Variants in NKX2-5 observed in about 807,000 individuals in gnomAD.
NKX2-5 encodes NK2 homeobox 5, also known as homeobox protein Nkx-2.5.
NKX2-5 carries 3 observed loss-of-function variants against 24.5 expected under a neutral mutation model. That is an observed-to-expected ratio of 0.12 (90% confidence interval 0.06 to 0.32). The LOEUF (loss-of-function observed/expected upper bound fraction) is 0.32, where lower values mean the gene tolerates loss of function less well. Among genes scored for constraint, NKX2-5 ranks in the 10% least tolerant of loss-of-function variants. The pLI, the probability that NKX2-5 is intolerant of heterozygous loss-of-function variation, is 1.00. For synonymous variants in NKX2-5, 215 were observed against 217.6 expected, an observed-to-expected ratio of 0.99 and a Z score of 0.11; for missense variants, 429 against 452.4, an observed-to-expected ratio of 0.95 and a Z score of 0.47.
chr5:173,235,176 G>T lies in NKX2-5; in HGVS notation c.-93C>A, dbSNP rs1190828416. On this transcript the variant is annotated 5_prime_UTR_variant, in exon 1 of 2. Transcript: ENST00000329198. ...GCTTCCCTGCATGGTGCCGCCGCCC[G>T]CCCGCGCACCCGTCGGCCAGCTCTG... is the stretch of plus-strand genomic sequence containing the variant. The T allele has an allele frequency of 5.4e-6, 7 of 1,298,320 alleles. No individual in the cohort carries two copies. Among genetic ancestry groups the T allele is most frequent in the South Asian group, 1.5e-5 (1 of 68,106 alleles). The allele number at this position is 1,298,320 out of a possible 1,614,324, so 80.4% of individuals were successfully genotyped here. A position where few individuals can be genotyped will look rare whatever the true frequency, so the allele number is the denominator to read the frequency against.
intron 1 of NKX2-5, chr5:173,233,432 C>G: frequency 6.5e-7 from 1 of 1,530,006 alleles, no homozygotes; most frequent in South Asian, 1.2e-5. Flanking sequence ...GAGAACAAAA[C>G]GGGAGGTCTC....
chr5:173,234,460 T>C (rs534481610), intron 1 of NKX2-5, among the ~76,000 whole-genome samples: 1 of 152,360 alleles, frequency 6.6e-6, no homozygotes, highest in East Asian at 1.9e-4. Context: ...TTTCTCAACT[T>C]CCTACCAGAC....
chr5:173,234,329 G>A (rs1436339121), intron 1 of NKX2-5: 1 of 982,184 alleles, frequency 1.0e-6, no homozygotes, highest in African/African-American at 1.7e-5. Context: ...TGTCTGGTGA[G>A]CAACATTTCA....
chr5:173,234,487 A>G (rs941652975), intron 1 of NKX2-5, among the ~76,000 whole-genome samples: 7 of 152,194 alleles, frequency 4.6e-5, no homozygotes, highest in Non-Finnish European at 5.9e-5. Context: ...GCAGAGCCGA[A>G]GCCGCCCGGG....
Position 173,234,129 on chromosome 5 carries a change from C to T in NKX2-5, c.334+621G>A, listed in dbSNP as rs550040404. ...GGGAACCTCTCCGCCCTGGCCGCGC[C>T]GGCAAGTTGTGCTGAAAAAATAAAG... On this transcript the variant is annotated intron_variant, in intron 1 of 1. Coordinates refer to ENST00000329198, the MANE Select transcript of NKX2-5 (RefSeq NM_004387.4). The T allele has an allele frequency of 1.2e-5, 16 of 1,289,202 alleles. No individual in the cohort carries two copies. The South Asian group carries it at 1.6e-4, about 13-fold the overall frequency. 79.9% of individuals were successfully genotyped at this position (1,289,202 alleles called of 1,614,324 possible). A position where few individuals can be genotyped will look rare whatever the true frequency, so the allele number is the denominator to read the frequency against.
At chr5:173,234,667 C>G in intron 1 of NKX2-5, 83 bp downstream of exon 1, 4 of 1,240,070 alleles carry the variant, frequency 3.2e-6, no homozygotes, top group Non-Finnish European at 4.3e-6. Flanking sequence ...CCCAAGGGCG[C>G]GTGTCTCCTC....
intron 1 of NKX2-5, 61 bp from the exon 2 acceptor site, chr5:173,233,270 G>A: frequency 6.4e-7 from 1 of 1,566,686 alleles, no homozygotes; most frequent in Non-Finnish European, 8.6e-7. Flanking sequence ...TACGGAGCGC[G>A]GCCGCACAGT....
chr5:173,233,202 G>C lies in NKX2-5; in HGVS notation c.342C>G (p.Cys114Trp), dbSNP rs760723447. The C allele has an allele frequency of 3.8e-6, 6 of 1,599,310 alleles. No homozygotes were observed. Among genetic ancestry groups the C allele is most frequent in the Non-Finnish European group, 5.1e-6 (6 of 1,178,710 alleles). Residue 114 changes from cysteine to tryptophan, a missense_variant, in exon 2 of 2, where the codon TGC becomes TGG. Cys to Trp is a radical substitution (Grantham distance 215). Coordinates refer to ENST00000329198, the MANE Select transcript of NKX2-5 (RefSeq NM_004387.4). Reference sequence around the variant, plus strand: ...CCAGCTCCACCGCCTTCTGCAGCGCGCACAGCTCTGAGGGGGAACAGAGAG... The same window carrying C: ...CCAGCTCCACCGCCTTCTGCAGCGCCCACAGCTCTGAGGGGGAACAGAGAG... ...KDPRAEKKEL[C>W]ALQKAVELEK...
chr5:173,235,191 G>A lies in NKX2-5; in HGVS notation c.-108C>T, dbSNP rs1456606507. 5.3e-6 allele frequency: 6 copies of A among 1,130,878 alleles called. No homozygotes were observed. The highest frequency in any genetic ancestry group is 1.6e-5 in the South Asian group (1 of 63,594). 70.1% of individuals were successfully genotyped at this position (1,130,878 alleles called of 1,614,324 possible). ...GCCGCCGCCCGCCCGCGCACCCGTC[G>A]GCCAGCTCTGGATGTGTCCGGGCAG... On this transcript the variant is annotated 5_prime_UTR_variant, in exon 1 of 2. Transcript: ENST00000329198.
intron 1 of NKX2-5, chr5:173,233,961 T>TG (rs1300914406): frequency 1.6e-5 from 19 of 1,212,296 alleles, no homozygotes; most frequent in African/African-American, 6.3e-5. Context: ...TGCCTTGGGC[T>TG]GGGGGGTCTC....
At chr5:173,233,518 AATAAATAAAAAAAT>A (rs1250968590) in intron 1 of NKX2-5, 19 of 695,918 alleles carry the variant, frequency 2.7e-5, no homozygotes, top group African/African-American at 4.3e-5. Flanking sequence ...AAAAAAAAAA[AATAAATAAAAAAAT>A]AAAAAAATAA....
In NKX2-5 at chr5:173,232,909, G is replaced by A. The variant is rs372282873; in HGVS notation, c.635C>T (p.Pro212Leu). Residue 212 changes from proline to leucine, a missense_variant, in exon 2 of 2, where the codon CCG (proline) becomes CTG (leucine). Transcript: ENST00000329198. The surrounding 1 kb of genome is among the most constrained non-coding windows in gnomAD (Gnocchi z 5.9). ...LELVGLPPPP[P>L]PPARRIAVPV... ...CACCGCGATCCTGCGGGCAGGCGGC[G>A]GCGGCGGCGGGGGCAGCCCCACCAG... 16 of 1,604,968 alleles carry A rather than the reference G, an allele frequency of 1.0e-5. No homozygotes were observed. In the African/African-American group the frequency reaches 1.9e-4, roughly 19 times the overall value.
At chr5:173,233,259 C>T (rs750776969) in intron 1 of NKX2-5, 50 bp from the exon 2 acceptor site, 46 of 1,577,166 alleles carry the variant, frequency 2.9e-5, no homozygotes, top group Non-Finnish European at 3.6e-5. Flanking sequence ...GCGGCTTGAC[C>T]TACGGAGCGC....
chr5:173,234,848 G>T lies in NKX2-5; in HGVS notation c.236C>A (p.Pro79Gln), dbSNP rs777921797. Residue 79 changes from proline to glutamine, a missense_variant, in exon 1 of 2, where the codon CCG (proline) becomes CAG (glutamine). By Grantham distance (76) the Pro-to-Gln change is moderately conservative (BLOSUM62 -1). This residue lies in a region of NKX2-5 where 240 missense variants were observed against 240.4 expected (regional missense o/e 1.00). Coordinates refer to ENST00000329198, the MANE Select transcript of NKX2-5 (RefSeq NM_004387.4). The part of the protein sequence containing the change: ...LRAELGRAPS[P>Q]AKCASAFPAA... Reference sequence around the variant, plus strand: ...GGGAAAGGCAGACGCACACTTGGCCGGTGAAGGCGCGCGGCCCAGCTCTGC... The same window carrying T: ...GGGAAAGGCAGACGCACACTTGGCCTGTGAAGGCGCGCGGCCCAGCTCTGC... 1.9e-6 allele frequency: 3 copies of T among 1,588,966 alleles called. No individual in the cohort carries two copies. The African/African-American group carries it at 4.1e-5, about 22-fold the overall frequency.
At position 173,232,696 on chromosome 5, in the gene NKX2-5, G is replaced by T. The variant is rs375086983; in HGVS notation, c.848C>A (p.Pro283Gln). The T allele has an allele frequency of 1.6e-5, 25 of 1,610,284 alleles. No individual in the cohort carries two copies. In the East Asian group the frequency reaches 2.0e-4, roughly 13 times the overall value. The change falls in exon 2 of 2, where the codon CCG becomes CAG. Residue 283 changes from proline (P) to glutamine (Q), a missense_variant. By Grantham distance (76) the Pro-to-Gln change is moderately conservative (BLOSUM62 -1). Around this residue, in one of 3 missense-constraint regions of NKX2-5, gnomAD observed 183 missense variants for 185.9 expected, o/e 0.98. Transcript: ENST00000329198. The surrounding 1 kb of genome is among the most constrained non-coding windows in gnomAD (Gnocchi z 5.9). ...AYPAGPSPAQPATAAANNNFV... is the reference protein window; with the variant it reads ...AYPAGPSPAQQATAAANNNFV... Reference sequence around the variant, plus strand: ...GTTGTTGTTGGCGGCGGCAGTGGCCGGCTGCGCTGGGGAAGGCCCGGCGGG... The same window carrying T: ...GTTGTTGTTGGCGGCGGCAGTGGCCTGCTGCGCTGGGGAAGGCCCGGCGGG...
Position 173,232,510 on chromosome 5 carries a change from G to A in NKX2-5, c.*59C>T. 6.3e-7 allele frequency: 1 copy of A among 1,593,190 alleles called. No homozygotes were observed. ...CATGTTGGGAGCCCCTTCTCCCCCCGAGAGTCAGGGAGCTGTTGAGGTGGG... is the reference window on the plus strand; with the variant it reads ...CATGTTGGGAGCCCCTTCTCCCCCCAAGAGTCAGGGAGCTGTTGAGGTGGG... On this transcript the variant is annotated 3_prime_UTR_variant, in exon 2 of 2. Transcript: ENST00000329198. The surrounding 1 kb of genome is among the most constrained non-coding windows in gnomAD (Gnocchi z 5.9).
At chr5:173,234,430 TTCTG>T in intron 1 of NKX2-5, 10 of 693,200 alleles carry the variant, frequency 1.4e-5, no homozygotes, top group Non-Finnish European at 1.8e-5. Context: ...TGTCTCTCTG[TTCTG>T]TCTACCATAA....
rs901451726 is a variant in NKX2-5 at position 173,234,655 on chromosome 5, G to C, written c.334+95C>G. ...AACCCCCCGCCGCAGCCCAGCCCTC[G>C]GCCCAAGGGCGCGTGTCTCCTCCTC... On this transcript the variant is annotated intron_variant, in intron 1 of 1. Coordinates refer to ENST00000329198, the MANE Select transcript of NKX2-5 (RefSeq NM_004387.4). 1.8e-5 allele frequency: 20 copies of C among 1,132,086 alleles called. No homozygotes were observed. The African/African-American group carries it at 2.8e-4, about 16-fold the overall frequency. 70.1% of individuals were successfully genotyped at this position (1,132,086 alleles called of 1,614,324 possible).
At chr5:173,234,572 C>T (rs1222409254) in intron 1 of NKX2-5, among the ~76,000 whole-genome samples, 178 bp downstream of exon 1, 3 of 152,210 alleles carry the variant, frequency 2.0e-5, no homozygotes, top group Non-Finnish European at 4.4e-5. Context: ...TCCTCTGAAC[C>T]TCCGATTGGA....
Sources: gnomAD v4.1 joint callset for allele counts (sites outside exome capture counted in the v4.1 genomes callset) on GRCh38, gnomAD v4.1.1 for gene constraint, gnomAD v4.1.1 regional missense constraint, Gnocchi (gnomAD v3.1) non-coding constraint, MANE v1.5 for transcripts, NCBI Gene and HGNC (gene_info 2026-07-23, HGNC 2026-07-21) for gene names.